FRY: variants seen among roughly 807,000 people sequenced by gnomAD.
The protein encoded by FRY is protein furry homolog.
A neutral mutation model predicts 348.4 loss-of-function variants in FRY; 128 were observed. The observed-to-expected ratio is 0.37, with a 90% CI of 0.32 to 0.43. FRY has a LOEUF of 0.43. FRY is among the 20% of genes least tolerant of loss of function. The pLI, the probability that FRY is intolerant of heterozygous loss-of-function variation, is 1.00. For synonymous variants in FRY, 1,370 were observed against 1,374.7 expected, an observed-to-expected ratio of 1.00 and a Z score of 0.08; for missense variants, 2,736 against 3,695.2, an observed-to-expected ratio of 0.74 and a Z score of 6.73.
intron 28 of FRY, among the ~76,000 whole-genome samples, chr13:32,192,739 C>CTTTTT (rs71194513): frequency 4.0e-5 from 4 of 99,240 alleles, no homozygotes; most frequent in African/African-American, 1.2e-4. Flanking sequence ...CAGAATGTTA[C>CTTTTT]TTTTTTTTTT....
chr13:32,049,150 T>A (rs1264422853), intron 1 of FRY, among the ~76,000 whole-genome samples: 1 of 152,120 alleles, frequency 6.6e-6, no homozygotes, highest in East Asian at 1.9e-4. Flanking sequence ...AAGGAAGTGA[T>A]TCATCATTTT....
In FRY at chr13:32,171,805, T is replaced by C. The variant is rs79793426; in HGVS notation, c.2151+535T>C. ...ACTTGTGAACATTCACAAGGCTATT[T>C]AGGGAATAGAAATTGGTTTTTTCAG... On this transcript the variant is annotated intron_variant, in intron 18 of 60. Transcript: ENST00000542859. Among the ~76,000 whole-genome samples, 464 of 115,014 alleles carry C rather than the reference T, an allele frequency of 4.0e-3. 4 individuals are homozygous for C. Among genetic ancestry groups the C allele is most frequent in the African/African-American group, 0.014 (431 of 31,898 alleles). 75.5% of individuals were successfully genotyped at this position (115,014 alleles called of 152,430 possible).
At chr13:32,163,572 A>G (rs1202828742) in intron 17 of FRY, among the ~76,000 whole-genome samples, 1 of 152,230 alleles carries the variant, frequency 6.6e-6, no homozygotes, top group Non-Finnish European at 1.5e-5. Flanking sequence ...ACTTTATTCA[A>G]TAGAAGTCTA....
At chr13:32,068,917 T>C (rs1489480870) in intron 1 of FRY, among the ~76,000 whole-genome samples, 2 of 142,330 alleles carry the variant, frequency 1.4e-5, no homozygotes, top group African/African-American at 5.2e-5. Flanking sequence ...AATTCTTTTT[T>C]TTTTTTTTTT....
At chr13:32,280,524 C>T (rs1888761051) in intron 58 of FRY, among the ~76,000 whole-genome samples, 1 of 152,228 alleles carries the variant, frequency 6.6e-6, no homozygotes, top group South Asian at 2.1e-4. Flanking sequence ...CAGCCCAGTC[C>T]TCCCTTCACT....
chr13:32,183,797 A>C (rs76133565), intron 24 of FRY, among the ~76,000 whole-genome samples: 3 of 134,200 alleles, frequency 2.2e-5, no homozygotes, highest in South Asian at 2.4e-4. Context: ...AAAAAAAAAA[A>C]ACCTAGAAAA....
intron 54 of FRY, among the ~76,000 whole-genome samples, chr13:32,265,852 C>T (rs187968921): frequency 1.3e-5 from 2 of 152,076 alleles, no homozygotes; most frequent in African/African-American, 2.4e-5. Flanking sequence ...CAGAAAGCAA[C>T]GTAAAAAGCA....
At chr13:32,189,655 T>TA (rs889392855) in intron 28 of FRY, among the ~76,000 whole-genome samples, 20 of 151,814 alleles carry the variant, frequency 1.3e-4, no homozygotes, top group East Asian at 3.9e-4. Context: ...TTTAAAGTGT[T>TA]AAAAAAAAGA....
intron 1 of FRY, among the ~76,000 whole-genome samples, chr13:32,069,320 T>A (rs1324544513): frequency 3.3e-5 from 5 of 152,154 alleles, no homozygotes; most frequent in African/African-American, 1.2e-4. Flanking sequence ...GGGAGAGACC[T>A]TCATGGCCTA....
intron 31 of FRY, among the ~76,000 whole-genome samples, chr13:32,205,278 G>A (rs1323251261): frequency 1.4e-5 from 2 of 143,884 alleles, no homozygotes; most frequent in African/African-American, 5.1e-5. Flanking sequence ...TTTTAAAAAA[G>A]AAAAATGCTC....
chr13:32,142,672 C>G (rs565365561), intron 11 of FRY, among the ~76,000 whole-genome samples: 2 of 152,306 alleles, frequency 1.3e-5, no homozygotes, highest in Non-Finnish European at 2.9e-5. Context: ...TTAGCTTCAC[C>G]TACATGGCAA....
chr13:32,248,757 T>C (rs1282787707), intron 48 of FRY, among the ~76,000 whole-genome samples: 31 of 152,240 alleles, frequency 2.0e-4, no homozygotes, highest in Admixed American at 2.0e-3. Context: ...CACATTTTTT[T>C]TAACCTGGCT....
intron 8 of FRY, among the ~76,000 whole-genome samples, chr13:32,134,451 G>C (rs1032182760): frequency 7.9e-5 from 12 of 152,198 alleles, no homozygotes; most frequent in African/African-American, 2.7e-4. Context: ...GAGGCTGTCA[G>C]GCATAGGGCC....
Position 32,131,744 on chromosome 13 carries a change from G to C in FRY, c.789G>C (p.Val263=), listed in dbSNP as rs368150336. The change falls in exon 8 of 61, where the codon GTG becomes GTC. Residue 263 remains valine (V), a synonymous_variant. Coordinates refer to ENST00000542859, the MANE Select transcript of FRY (RefSeq NM_023037.3). ...GGCACAAAGAGCAGAACCCATATGT[G>C]GTTCAAAGCATTATCAGCTTAATAA... ...ELRHKEQNPY[V]VQSIISLIMG... is the part of the protein sequence containing the mutation. 6.2e-7 allele frequency: 1 copy of C among 1,613,484 alleles called. No homozygotes were observed. Among genetic ancestry groups the C allele is most frequent in the African/African-American group, 1.3e-5 (1 of 75,038 alleles).
chr13:32,063,085 G>A (rs1874041244), intron 1 of FRY, among the ~76,000 whole-genome samples: 1 of 152,098 alleles, frequency 6.6e-6, no homozygotes, highest in Non-Finnish European at 1.5e-5. Flanking sequence ...TGTCCTTCAA[G>A]TCACCCTCTG....
intron 48 of FRY, among the ~76,000 whole-genome samples, chr13:32,248,931 AGGTCAAGC>A (rs886822068): frequency 6.6e-6 from 1 of 152,134 alleles, no homozygotes; most frequent in African/African-American, 2.4e-5. Context: ...GCCACTGCCG[AGGTCAAGC>A]CCATGAGCTG....
intron 16 of FRY, among the ~76,000 whole-genome samples, chr13:32,157,695 C>T (rs1413775386): frequency 6.6e-6 from 1 of 152,146 alleles, no homozygotes; most frequent in Non-Finnish European, 1.5e-5. Context: ...TTCCCAGGCA[C>T]CATCACAACT....
chr13:32,282,880 C>A (rs763532050), intron 58 of FRY, among the ~76,000 whole-genome samples: 3 of 152,224 alleles, frequency 2.0e-5, no homozygotes, highest in African/African-American at 7.2e-5. Context: ...TGGTGGCTCA[C>A]GCCTGTAATC....
At chr13:32,236,785 C>T (rs1053050760) in intron 43 of FRY, among the ~76,000 whole-genome samples, 3 of 152,018 alleles carry the variant, frequency 2.0e-5, no homozygotes, top group African/African-American at 7.2e-5. Flanking sequence ...TTAAGTTGAG[C>T]ATTTTTTATG....
Sources: gnomAD v4.1 joint callset for allele counts (sites outside exome capture counted in the v4.1 genomes callset) on GRCh38, gnomAD v4.1.1 for gene constraint, MANE v1.5 for transcripts, NCBI Gene and HGNC (gene_info 2026-07-23, HGNC 2026-07-21) for gene names.